STK39: variants seen among roughly 807,000 people sequenced by gnomAD.
STK39 encodes serine/threonine kinase 39, also known as STE20/SPS1-related proline-alanine-rich protein kinase.
STK39 carries 20 observed loss-of-function variants against 77.8 expected under a neutral mutation model. The observed-to-expected ratio is 0.26, with a 90% CI of 0.18 to 0.37. STK39 has a LOEUF of 0.37. Among genes scored for constraint, STK39 ranks in the 10% least tolerant of loss-of-function variants. The probability of loss-of-function intolerance (pLI) is 1.00; values close to 1 mark genes in which losing one functional copy is unlikely to be tolerated. For synonymous variants in STK39, 246 were observed against 234.1 expected (o/e 1.05, Z -0.47); for missense variants, 479 against 656.5 (o/e 0.73, Z 2.95).
chr2:168,158,776 A>G (rs1688498601), intron 5 of STK39, among the ~76,000 whole-genome samples: 1 of 152,208 alleles, frequency 6.6e-6, no homozygotes, highest in Admixed American at 6.5e-5. Context: ...TGAGGACTGA[A>G]TGAGACTCAA....
rs148399524 is a variant in STK39 at position 168,054,110 on chromosome 2, T to C, written c.1376+9390A>G. 1.2e-3 allele frequency among the ~76,000 whole-genome samples: 178 copies of C among 152,344 alleles called. 1 individual carries two copies. Among genetic ancestry groups the C allele is most frequent in the African/African-American group, 4.1e-3 (172 of 41,578 alleles). Reference sequence around the variant, plus strand: ...GTCATAACATTTAATGATGAGTTTGTTGGGAAACATTGTTAAAAGAATATT... The same window carrying C: ...GTCATAACATTTAATGATGAGTTTGCTGGGAAACATTGTTAAAAGAATATT... On this transcript the variant is annotated intron_variant, in intron 14 of 17. Coordinates refer to ENST00000355999, the MANE Select transcript of STK39 (RefSeq NM_013233.3).
At chr2:168,211,986 T>C (rs1349676241) in intron 1 of STK39, among the ~76,000 whole-genome samples, 1 of 152,208 alleles carries the variant, frequency 6.6e-6, no homozygotes, top group Admixed American at 6.5e-5. Flanking sequence ...TTACTGATCA[T>C]TATTCGTTTT....
intron 15 of STK39, among the ~76,000 whole-genome samples, chr2:168,016,340 G>A (rs1201143404): frequency 7.2e-6 from 1 of 139,570 alleles, no homozygotes; most frequent in African/African-American, 2.6e-5. Flanking sequence ...ATAAGCCTAT[G>A]GCCAAGTATT....
At chr2:168,115,456 G>T (rs1367835569) in intron 10 of STK39, among the ~76,000 whole-genome samples, 1 of 152,054 alleles carries the variant, frequency 6.6e-6, no homozygotes, top group Admixed American at 6.6e-5. Context: ...CCTGTTCCTA[G>T]GAAATAGACT....
rs1558888360 is a variant in STK39, at chr2:168,234,786, C to CTTT, written c.208+12441_208+12442insAAA. ...AGTAAATAAAAATCATTTTAATGCC[C>CTTT]CTAAAGACATAAGATTTTTACTGAT... On this transcript the variant is annotated intron_variant, in intron 1 of 17. Transcript: ENST00000355999. 4.0e-5 allele frequency among the ~76,000 whole-genome samples: 6 copies of CTTT among 151,726 alleles called. No individual in the cohort carries two copies. In the South Asian group the frequency reaches 1.0e-3, roughly 26 times the overall value.
intron 10 of STK39, among the ~76,000 whole-genome samples, chr2:168,084,590 T>C (rs547256009): frequency 2.6e-5 from 4 of 152,308 alleles, no homozygotes; most frequent in South Asian, 2.1e-4. Flanking sequence ...CACTGACATC[T>C]ACAGTAAAGT....
At chr2:168,028,477 T>C (rs1281512679) in intron 14 of STK39, among the ~76,000 whole-genome samples, 1 of 152,222 alleles carries the variant, frequency 6.6e-6, no homozygotes, top group Admixed American at 6.5e-5. Context: ...CTAGTGAATA[T>C]ATTTATTGAA....
intron 16 of STK39, among the ~76,000 whole-genome samples, chr2:167,969,266 C>A (rs1450397575): frequency 6.6e-6 from 1 of 152,196 alleles, no homozygotes. Flanking sequence ...GGTCTTACCT[C>A]CTCCGAGCCC....
intron 10 of STK39, among the ~76,000 whole-genome samples, chr2:168,128,687 A>C (rs1025604910): frequency 2.0e-5 from 3 of 152,238 alleles, no homozygotes; most frequent in Admixed American, 2.0e-4. Context: ...CAGTATCTGG[A>C]ATTTAATATT....
intron 1 of STK39, among the ~76,000 whole-genome samples, chr2:168,205,518 T>G (rs992297366): frequency 6.6e-6 from 1 of 152,120 alleles, no homozygotes; most frequent in Non-Finnish European, 1.5e-5. Flanking sequence ...AATTATTTTA[T>G]ATATGGGCTG....
rs557873352 is a variant in STK39 at position 168,059,831 on chromosome 2, C to G, written c.1376+3669G>C. Among the ~76,000 whole-genome samples, 193 of 152,274 alleles carry G rather than the reference C, an allele frequency of 1.3e-3. 1 individual carries two copies. The highest frequency in any genetic ancestry group is 2.3e-3 in the Non-Finnish European group (157 of 68,034). ...TTTCTATCCTCCTCACATACCTTTTCCTTCAGACAACCTGGTATATCATAC... is the reference window on the plus strand; with the variant it reads ...TTTCTATCCTCCTCACATACCTTTTGCTTCAGACAACCTGGTATATCATAC... On this transcript the variant is annotated intron_variant, in intron 14 of 17. Transcript: ENST00000355999.
chr2:168,213,093 C>T (rs1423099060), intron 1 of STK39, among the ~76,000 whole-genome samples: 3 of 152,194 alleles, frequency 2.0e-5, no homozygotes, highest in East Asian at 1.9e-4. Context: ...TTCCCTGCAA[C>T]GCTGTGTGTG....
chr2:168,086,705 C>T (rs767977202), intron 10 of STK39, among the ~76,000 whole-genome samples: 15 of 152,054 alleles, frequency 9.9e-5, no homozygotes, highest in Non-Finnish European at 1.8e-4. Flanking sequence ...TATTTTCTAA[C>T]GGGAAGAGAA....
chr2:168,143,749 C>T (rs1249255128), intron 5 of STK39, among the ~76,000 whole-genome samples: 1 of 152,032 alleles, frequency 6.6e-6, no homozygotes, highest in Non-Finnish European at 1.5e-5. Flanking sequence ...TCCCTGTCCC[C>T]TCAGGAAAAA....
intron 16 of STK39, among the ~76,000 whole-genome samples, chr2:167,996,966 T>C (rs1254794200): frequency 6.6e-6 from 1 of 151,168 alleles, no homozygotes; most frequent in Non-Finnish European, 1.5e-5. Flanking sequence ...TTGCAGTTAC[T>C]GGAAGCACGC....
At chr2:168,078,370 G>A (rs931740534) in intron 10 of STK39, among the ~76,000 whole-genome samples, 1 of 149,210 alleles carries the variant, frequency 6.7e-6, no homozygotes, top group Non-Finnish European at 1.5e-5. Context: ...GCAAGATGTA[G>A]GTGGCCACTG....
At chr2:167,956,327 G>A (rs1691762251) in intron 17 of STK39, among the ~76,000 whole-genome samples, 1 of 152,156 alleles carries the variant, frequency 6.6e-6, no homozygotes, top group African/African-American at 2.4e-5. Context: ...GGGGGGCCGA[G>A]GCAGGTGGAT....
intron 10 of STK39, among the ~76,000 whole-genome samples, chr2:168,100,872 A>C (rs1686805024): frequency 6.6e-6 from 1 of 152,184 alleles, no homozygotes; most frequent in African/African-American, 2.4e-5. Flanking sequence ...TACCCAAAGG[A>C]TTATAAATCA....
intron 10 of STK39, among the ~76,000 whole-genome samples, chr2:168,108,628 T>C (rs1687043285): frequency 6.6e-6 from 1 of 152,014 alleles, no homozygotes; most frequent in African/African-American, 2.4e-5. Context: ...TTCACAGACA[T>C]GGAGTCCATA....
Sources: allele counts gnomAD v4.1 joint callset (sites outside exome capture counted in the v4.1 genomes callset), GRCh38; gene constraint gnomAD v4.1.1; transcripts MANE v1.5; gene names NCBI Gene and HGNC (gene_info 2026-07-23, HGNC 2026-07-21).